DBN1: variants seen among roughly 807,000 people sequenced by gnomAD.
DBN1 encodes the protein drebrin 1.
A neutral mutation model predicts 83.5 loss-of-function variants in DBN1; 21 were observed. The observed-to-expected ratio is 0.25, with a 90% CI of 0.18 to 0.36. The LOEUF (loss-of-function observed/expected upper bound fraction) is 0.36. Among genes scored for constraint, DBN1 ranks in the 10% least tolerant of loss-of-function variants. The probability of loss-of-function intolerance (pLI) is 1.00; values close to 1 mark genes in which losing one functional copy is unlikely to be tolerated. For synonymous variants in DBN1, 381 were observed against 384.9 expected (o/e 0.99, Z 0.12); for missense variants, 874 against 935.7 (o/e 0.93, Z 0.86).
rs1757546503 is a variant in DBN1, at chr5:177,467,674, A to G, written c.331-47T>C. 6.4e-7 allele frequency: 1 copy of G among 1,558,536 alleles called. No individual in the cohort carries two copies. The highest frequency in any genetic ancestry group is 1.4e-5 in the African/African-American group (1 of 73,466). On this transcript the variant is annotated intron_variant, in intron 4 of 14. Transcript: ENST00000393565. This position sits in a 1 kb window ranked among gnomAD's most constrained non-coding sequence, Gnocchi z 9.1. ...GCTCAGGCGGCACCATCCTCCCGCCATCCCCACCCCAGCACGCAGACCCTG... is the reference window on the plus strand; with the variant it reads ...GCTCAGGCGGCACCATCCTCCCGCCGTCCCCACCCCAGCACGCAGACCCTG...
chr5:177,457,475 G>T lies in DBN1; in HGVS notation c.2046C>A (p.Asp682Glu). Reference protein sequence around the residue: ...PEIDITCWDADPVPEEEEGFE... With the variant: ...PEIDITCWDAEPVPEEEEGFE... ...AGCCCTCCTCCTCTTCTGGAACTGGGTCTGCATCCCAGCATGTGATGTCGA... is the reference window on the plus strand; with the variant it reads ...AGCCCTCCTCCTCTTCTGGAACTGGTTCTGCATCCCAGCATGTGATGTCGA... Residue 682 changes from aspartate to glutamate, a missense_variant, in exon 15 of 15, where the codon GAC (aspartate) becomes GAA (glutamate). Coordinates refer to ENST00000393565, the MANE Select transcript of DBN1 (RefSeq NM_001363541.2). 6.2e-7 allele frequency: 1 copy of T among 1,614,190 alleles called. No individual in the cohort carries two copies.
chr5:177,459,758 C>A lies in DBN1; in HGVS notation c.956-18G>T. ...CGGACGACCTGCCGAGAGAGACAGA[C>A]AGAGAAAGAGACAGAGGACAAGAGA... is the stretch of plus-strand genomic sequence containing the variant. On this transcript the variant is annotated intron_variant, in intron 10 of 14. Transcript: ENST00000393565. 6.8e-7 allele frequency: 1 copy of A among 1,474,184 alleles called. No homozygotes were observed. The highest frequency in any genetic ancestry group is 9.0e-7 in the Non-Finnish European group (1 of 1,108,030). The allele number at this position is 1,474,184 out of a possible 1,614,324, so 91.3% of individuals were successfully genotyped here.
Position 177,466,749 on chromosome 5 carries a change from G to C in DBN1, c.771+23C>G. 6.2e-7 allele frequency: 1 copy of C among 1,613,648 alleles called. No individual in the cohort carries two copies. The highest frequency in any genetic ancestry group is 8.5e-7 in the Non-Finnish European group (1 of 1,179,558). On this transcript the variant is annotated intron_variant, in intron 8 of 14. Transcript: ENST00000393565. The surrounding 1 kb of genome is among the most constrained non-coding windows in gnomAD (Gnocchi z 4.8). ...TTCTCACTTCCCTGACCCAGAGACC[G>C]GGAGCCTTGGCAAAGAACTTACAAA...
rs1191229168 is a variant in DBN1 at position 177,467,935 on chromosome 5, G to A, written c.256-118C>T. On this transcript the variant is annotated intron_variant, in intron 3 of 14. Coordinates refer to ENST00000393565, the MANE Select transcript of DBN1 (RefSeq NM_001363541.2). This position sits in a 1 kb window ranked among gnomAD's most constrained non-coding sequence, Gnocchi z 9.1. ...CTTCCCTCTCCACGGGTGTCAGAGG[G>A]CCGACGGGGAGGGCGACTGCTCTGG... 7.1e-7 allele frequency: 1 copy of A among 1,411,168 alleles called. No homozygotes were observed. Among genetic ancestry groups the A allele is most frequent in the East Asian group, 2.3e-5 (1 of 43,398 alleles). 87.4% of individuals were successfully genotyped at this position (1,411,168 alleles called of 1,614,324 possible). A position where few individuals can be genotyped will look rare whatever the true frequency, so the allele number is the denominator to read the frequency against.
At chr5:177,465,272 A>G (rs1757365850) in intron 8 of DBN1, among the ~76,000 whole-genome samples, 1 of 152,282 alleles carries the variant, frequency 6.6e-6, no homozygotes, top group Non-Finnish European at 1.5e-5. Flanking sequence ...ATTCTGATGC[A>G]TGCTACAACA....
intron 8 of DBN1, among the ~76,000 whole-genome samples, chr5:177,463,971 C>G (rs967144632): frequency 6.7e-6 from 1 of 149,224 alleles, no homozygotes; most frequent in Non-Finnish European, 1.5e-5. Flanking sequence ...AAACATTAGC[C>G]GGGCATGGAG....
Position 177,467,902 on chromosome 5 carries a change from A to G in DBN1, c.256-85T>C, listed in dbSNP as rs1047578576. ...GGTGCATCTTCCCCGGGGTGGGAAG[A>G]GGGTGGGCTTCCCTCTCCACGGGTG... On this transcript the variant is annotated intron_variant, in intron 3 of 14. Coordinates refer to ENST00000393565, the MANE Select transcript of DBN1 (RefSeq NM_001363541.2). This position sits in a 1 kb window ranked among gnomAD's most constrained non-coding sequence, Gnocchi z 9.1. The G allele has an allele frequency of 6.6e-7, 1 of 1,518,056 alleles. No homozygotes were observed. The highest frequency in any genetic ancestry group is 9.1e-7 in the Non-Finnish European group (1 of 1,100,054). The allele number at this position is 1,518,056 out of a possible 1,614,324, so 94.0% of individuals were successfully genotyped here.
intron 8 of DBN1, among the ~76,000 whole-genome samples, chr5:177,464,998 CAA>C (rs1181594213): frequency 4.0e-5 from 6 of 151,590 alleles, no homozygotes; most frequent in Non-Finnish European, 1.5e-5. Flanking sequence ...ACTAAAAATA[CAA>C]AAAATTAGCC....
At chr5:177,469,021 G>T in intron 1 of DBN1, 122 bp from the exon 2 acceptor site, 1 of 530,720 alleles carries the variant, frequency 1.9e-6, no homozygotes. Context: ...GAGGGCTCCT[G>T]CTGTAGCCAT....
chr5:177,472,324 CA>C, intron 1 of DBN1: 1 of 1,525,478 alleles, frequency 6.6e-7, no homozygotes, highest in South Asian at 1.3e-5. Context: ...CTCTTTGCCT[CA>C]GTTTCCTCAA....
At position 177,467,538 on chromosome 5, in the gene DBN1, G is replaced by C. The variant is rs1474274374; in HGVS notation, c.420C>G (p.Leu140=). The stretch of plus-strand genomic sequence containing the variant: ...GCAGTCGGTGCAGCACAGGGCTGGA[G>C]AGTCGCGCCAGCCCGTTAGAGAGCC... The part of the protein sequence containing the change: ...GQRLSNGLAR[L]SSPVLHRLRL... The change falls in exon 5 of 15, where the codon CTC becomes CTG. Residue 140 remains leucine (L), a synonymous_variant. Transcript: ENST00000393565. The surrounding 1 kb of genome is among the most constrained non-coding windows in gnomAD (Gnocchi z 9.1). 2 of 1,567,004 alleles carry C rather than the reference G, an allele frequency of 1.3e-6. No individual in the cohort carries two copies. The highest frequency in any genetic ancestry group is 1.7e-6 in the Non-Finnish European group (2 of 1,155,938).
chr5:177,459,061 G>A (rs1756798070), intron 12 of DBN1, 37 bp downstream of exon 12: 1 of 1,566,908 alleles, frequency 6.4e-7, no homozygotes, highest in African/African-American at 1.4e-5. Context: ...AGGGACTGAT[G>A]ATGGGAGGCC....
At position 177,466,709 on chromosome 5, in the gene DBN1, G is replaced by A; in HGVS notation, c.771+63C>T. The A allele has an allele frequency of 6.3e-7, 1 of 1,582,860 alleles. No homozygotes were observed. The highest frequency in any genetic ancestry group is 2.2e-5 in the East Asian group (1 of 44,742). On this transcript the variant is annotated intron_variant, in intron 8 of 14. Transcript: ENST00000393565. This position sits in a 1 kb window ranked among gnomAD's most constrained non-coding sequence, Gnocchi z 4.8. ...GCCACTGATCTCCCCACAAGGCCCA[G>A]GAACACAGGGACCATTCTCACTTCC...
At chr5:177,468,065 A>ATTTTG in intron 3 of DBN1, 43 bp downstream of exon 3, 1 of 855,614 alleles carries the variant, frequency 1.2e-6, no homozygotes, top group Non-Finnish European at 2.0e-6. Flanking sequence ...GTTGATGAGC[A>ATTTTG]GCTCTGGGCC....
At chr5:177,462,774 G>A (rs1484712831) in intron 8 of DBN1, among the ~76,000 whole-genome samples, 4 of 152,264 alleles carry the variant, frequency 2.6e-5, no homozygotes, top group South Asian at 2.1e-4. Flanking sequence ...AGGGCCCTTC[G>A]TAGTATCCCA....
chr5:177,457,170 G>A lies in DBN1; in HGVS notation c.*263C>T. The A allele has an allele frequency of 1.9e-6, 1 of 527,008 alleles. No individual in the cohort carries two copies. The highest frequency in any genetic ancestry group is 2.3e-5 in the South Asian group (1 of 43,400). 32.6% of individuals were successfully genotyped at this position (527,008 alleles called of 1,614,324 possible). A position where few individuals can be genotyped will look rare whatever the true frequency, so the allele number is the denominator to read the frequency against. On this transcript the variant is annotated 3_prime_UTR_variant, in exon 15 of 15. Coordinates refer to ENST00000393565, the MANE Select transcript of DBN1 (RefSeq NM_001363541.2). ...TACAATCTGGACCAGGGAAGGAGGGGTGGAATTTGCAACAGCGTCTCAACT... is the reference window on the plus strand; with the variant it reads ...TACAATCTGGACCAGGGAAGGAGGGATGGAATTTGCAACAGCGTCTCAACT...
In DBN1 at chr5:177,468,264, C is replaced by T. The variant is rs772838643; in HGVS notation, c.143-44G>A. ...TGTCAGGTCTCTCTGCCTCCTAAAC[C>T]CTTCCCAAAAAGAGCCTGGAACTCA... On this transcript the variant is annotated intron_variant, in intron 2 of 14. Coordinates refer to ENST00000393565, the MANE Select transcript of DBN1 (RefSeq NM_001363541.2). The T allele has an allele frequency of 3.7e-5, 57 of 1,560,174 alleles. No individual in the cohort carries two copies. The South Asian group carries it at 6.0e-4, about 16-fold the overall frequency.
Position 177,457,221 on chromosome 5 carries a change from T to TGTACAAGTCTCCTAA in DBN1, c.*211_*212insTTAGGAGACTTGTAC. On this transcript the variant is annotated 3_prime_UTR_variant, in exon 15 of 15. Coordinates refer to ENST00000393565, the MANE Select transcript of DBN1 (RefSeq NM_001363541.2). ...ACCAACGAGAGGAAAGCCAGTCAAC[T>TGTACAAGTCTCCTAA]GTACAAGTCTCCTATCAACTTTTTA... The TGTACAAGTCTCCTAA allele has an allele frequency of 1.7e-6, 1 of 578,192 alleles. No homozygotes were observed. The highest frequency in any genetic ancestry group is 2.1e-5 in the South Asian group (1 of 47,334). The allele number at this position is 578,192 out of a possible 1,614,324, so 35.8% of individuals were successfully genotyped here.
intron 1 of DBN1, among the ~76,000 whole-genome samples, chr5:177,471,082 TA>T (rs1757809812): frequency 6.6e-6 from 1 of 152,004 alleles, no homozygotes; most frequent in Non-Finnish European, 1.5e-5. Flanking sequence ...TCTAGCCAGA[TA>T]AACTGAACTA....
Sources: gnomAD v4.1 joint callset for allele counts (sites outside exome capture counted in the v4.1 genomes callset) on GRCh38, gnomAD v4.1.1 for gene constraint, Gnocchi (gnomAD v3.1) non-coding constraint, MANE v1.5 for transcripts, NCBI Gene and HGNC (gene_info 2026-07-23, HGNC 2026-07-21) for gene names.